The following PRPF40B variants were observed in gnomAD, a reference collection of about 807,000 sequenced individuals.
PRPF40B encodes pre-mRNA processing factor 40B.
Under a neutral mutation model 124.5 loss-of-function variants are expected in PRPF40B, and 56 were observed. The ratio of observed to expected loss-of-function variants is 0.45; its 90% CI spans 0.36 to 0.56. The LOEUF (loss-of-function observed/expected upper bound fraction) is 0.56, where lower values mean the gene tolerates loss of function less well. Ranked by LOEUF, PRPF40B falls within the 20% of genes least tolerant of loss-of-function variation. PRPF40B has a pLI of 0.00. For synonymous variants in PRPF40B, 443 were observed against 426.4 expected, an observed-to-expected ratio of 1.04 and a Z score of -0.48; for missense variants, 1,053 against 1,169.5, an observed-to-expected ratio of 0.90 and a Z score of 1.45.
Position 49,643,269 on chromosome 12 carries a change from C to A in PRPF40B, c.2252C>A (p.Pro751His). 6.2e-7 allele frequency: 1 copy of A among 1,614,050 alleles called. No homozygotes were observed. The highest frequency in any genetic ancestry group is 8.5e-7 in the Non-Finnish European group (1 of 1,180,014). The change falls in exon 23 of 26, where the codon CCC becomes CAC. Residue 751 changes from proline (P) to histidine (H), a missense_variant. By Grantham distance (77) the Pro-to-His change is moderately conservative. Transcript: ENST00000548825. Reference sequence around the variant, plus strand: ...GAGCTGCCCCCACCATCTCTCCGGCCCCCCAAGCGGAGGAGGCGGAACCCC... The same window carrying A: ...GAGCTGCCCCCACCATCTCTCCGGCACCCCAAGCGGAGGAGGCGGAACCCC... Reference protein sequence around the residue: ...EEELPPPSLRPPKRRRRNPSE... With the variant: ...EEELPPPSLRHPKRRRRNPSE...
chr12:49,635,418 G>A lies in PRPF40B; in HGVS notation c.1220G>A (p.Arg407Lys). Residue 407 changes from arginine (R) to lysine (K), a missense_variant, in exon 14 of 26, where the codon AGG becomes AAG. Coordinates refer to ENST00000548825, the MANE Select transcript of PRPF40B (RefSeq NM_001031698.3). The surrounding 1 kb of genome is among the most constrained non-coding windows in gnomAD (Gnocchi z 4.1). ...GAGGTCTGGGCTGTGGTCCCTGAGA[G>A]GGATCGAAAAGAGGTTTATGATGAT... The part of the protein sequence containing the change: ...ELEVWAVVPE[R>K]DRKEVYDDVL... 1.2e-6 allele frequency: 2 copies of A among 1,614,094 alleles called. No individual in the cohort carries two copies. The highest frequency in any genetic ancestry group is 2.2e-5 in the South Asian group (2 of 91,064).
chr12:49,631,741 A>G lies in PRPF40B; in HGVS notation c.229-119A>G. 1.6e-6 allele frequency: 2 copies of G among 1,246,978 alleles called. No individual in the cohort carries two copies. The highest frequency in any genetic ancestry group is 2.4e-5 in the South Asian group (2 of 82,520). 77.2% of individuals were successfully genotyped at this position (1,246,978 alleles called of 1,614,324 possible). ...GCCAGAATCTGGGGATTGCCTGAGG[A>G]AGTGCCCAAGTGAGGGTCATGGCTC... On this transcript the variant is annotated intron_variant, in intron 3 of 25. Coordinates refer to ENST00000548825, the MANE Select transcript of PRPF40B (RefSeq NM_001031698.3). The surrounding 1 kb of genome is among the most constrained non-coding windows in gnomAD (Gnocchi z 4.3).
At chr12:49,624,230 G>A in intron 1 of PRPF40B, 1 of 914,150 alleles carries the variant, frequency 1.1e-6, no homozygotes, top group Non-Finnish European at 1.3e-6. Flanking sequence ...AAAAGGAAAT[G>A]CATGAAAATT....
In PRPF40B at chr12:49,635,528, C is replaced by T. The variant is rs2138512995; in HGVS notation, c.1275+55C>T. ...CCATCTCATCCTGGACTTTCCTTGT[C>T]TTTGCTTTGTTATGGACCCTCGCCA... On this transcript the variant is annotated intron_variant, in intron 14 of 25. Coordinates refer to ENST00000548825, the MANE Select transcript of PRPF40B (RefSeq NM_001031698.3). The surrounding 1 kb of genome is among the most constrained non-coding windows in gnomAD (Gnocchi z 4.1). The T allele has an allele frequency of 1.3e-6, 2 of 1,523,244 alleles. No individual in the cohort carries two copies. Among genetic ancestry groups the T allele is most frequent in the Admixed American group, 1.9e-5 (1 of 52,346 alleles). 94.4% of individuals were successfully genotyped at this position (1,523,244 alleles called of 1,614,324 possible).
intron 18 of PRPF40B, chr12:49,638,187 G>A (rs1321886861): frequency 4.9e-6 from 1 of 202,706 alleles, no homozygotes; most frequent in African/African-American, 2.3e-5. Flanking sequence ...GGCATGCCAG[G>A]TCTGAGGAGG....
upstream of PRPF40B, among the ~76,000 whole-genome samples, chr12:49,623,050 T>C (rs907814995): frequency 2.0e-5 from 3 of 150,358 alleles, no homozygotes; most frequent in African/African-American, 7.4e-5. Flanking sequence ...TTCGGGGATT[T>C]GTCTTTTTTT....
intron 18 of PRPF40B, chr12:49,638,099 T>A (rs192458741): frequency 2.5e-6 from 1 of 404,766 alleles, no homozygotes; most frequent in East Asian, 4.7e-5. Flanking sequence ...ACATTTGAAC[T>A]GTGCATTTAG....
At position 49,635,139 on chromosome 12, in the gene PRPF40B, GC is replaced by G; in HGVS notation, c.1044del (p.Tyr349ThrfsTer15). The G allele has an allele frequency of 3.7e-6, 6 of 1,613,932 alleles. No individual in the cohort carries two copies. The highest frequency in any genetic ancestry group is 5.1e-6 in the Non-Finnish European group (6 of 1,180,010). ...KLSEKKQAFN[A>X]YKAQREKEEK... Reference sequence around the variant, plus strand: ...GAGTGAGAAAAAGCAGGCATTCAATGCCTACAAGGCGCAGCGGGAGAAGGAG... The same window carrying G: ...GAGTGAGAAAAAGCAGGCATTCAATGCTACAAGGCGCAGCGGGAGAAGGAG... On this transcript the variant is annotated frameshift_variant, in exon 13 of 26. Coordinates refer to ENST00000548825, the MANE Select transcript of PRPF40B (RefSeq NM_001031698.3). LOFTEE classifies it high-confidence loss of function. The surrounding 1 kb of genome is among the most constrained non-coding windows in gnomAD (Gnocchi z 4.1).
At position 49,637,476 on chromosome 12, in the gene PRPF40B, C is replaced by T; in HGVS notation, c.1567C>T (p.Leu523=). The T allele has an allele frequency of 6.2e-7, 1 of 1,613,142 alleles. No individual in the cohort carries two copies. Among genetic ancestry groups the T allele is most frequent in the Non-Finnish European group, 8.5e-7 (1 of 1,179,800 alleles). Residue 523 remains leucine (L), a synonymous_variant, in exon 17 of 26, where the codon CTG becomes TTG. Transcript: ENST00000548825. ...RKNREAFQTF[L]DELHETGQLH... ...CTGGCCTCTCCCTGCTCAGACCTTC[C>T]TGGACGAGCTGCATGAGACAGGGCA... is the stretch of plus-strand genomic sequence containing the variant.
At chr12:49,630,755 TG>T in intron 2 of PRPF40B, 130 bp downstream of exon 2, 2 of 611,852 alleles carry the variant, frequency 3.3e-6, no homozygotes, top group Non-Finnish European at 6.0e-6. Flanking sequence ...GGAAGAGGGA[TG>T]GTTTTACTTG....
At position 49,636,787 on chromosome 12, in the gene PRPF40B, G is replaced by A; in HGVS notation, c.1498G>A (p.Glu500Lys). The A allele has an allele frequency of 6.2e-7, 1 of 1,614,208 alleles. No homozygotes were observed. Among genetic ancestry groups the A allele is most frequent in the East Asian group, 2.2e-5 (1 of 44,884 alleles). The change falls in exon 16 of 26, where the codon GAA (glutamate) becomes AAA (lysine). Residue 500 changes from glutamate to lysine, a missense_variant. Coordinates refer to ENST00000548825, the MANE Select transcript of PRPF40B (RefSeq NM_001031698.3). ...IRALEREEEEERERARLRERR... is the reference protein window; with the variant it reads ...IRALEREEEEKRERARLRERR... ...AGCTTTGGAGAGGGAAGAGGAGGAG[G>A]AACGGGAGCGGGCCCGGCTTCGGGA...
In PRPF40B at chr12:49,636,718, A is replaced by G. The variant is rs753458912; in HGVS notation, c.1429A>G (p.Met477Val). The stretch of plus-strand genomic sequence containing the variant: ...CGGAACCTCCTGCCTGTCTTTAGAC[A>G]TGGACAAGGAAGATGCACTGATCTG... ...SFAQDHQLQNMDKEDALICFE... is the reference protein window; with the variant it reads ...SFAQDHQLQNVDKEDALICFE... Residue 477 changes from methionine to valine, a missense_variant and splice_region_variant, in exon 16 of 26, where the codon ATG becomes GTG. Met to Val is a conservative substitution (Grantham distance 21). This residue lies in a region of PRPF40B where 895 missense variants were observed against 1,052.2 expected (regional missense o/e 0.85). Transcript: ENST00000548825. 4.8e-5 allele frequency: 78 copies of G among 1,613,984 alleles called. No individual in the cohort carries two copies. The highest frequency in any genetic ancestry group is 6.3e-5 in the Non-Finnish European group (74 of 1,179,966).
chr12:49,629,035 GGGCCCTTTA>G (rs1332538923), intron 1 of PRPF40B, among the ~76,000 whole-genome samples: 2 of 152,192 alleles, frequency 1.3e-5, no homozygotes, highest in African/African-American at 4.8e-5. Context: ...CAGAAGGGCT[GGGCCCTTTA>G]GCTGCATCTC....
rs527379154 is a variant in PRPF40B, at chr12:49,631,288, A to G, written c.85-113A>G. Reference sequence around the variant, plus strand: ...AACTAAAGCCTTGGAATTGCCTCAGAGCAGGGTGGAGGGTTGGGGAGGGAG... The same window carrying G: ...AACTAAAGCCTTGGAATTGCCTCAGGGCAGGGTGGAGGGTTGGGGAGGGAG... On this transcript the variant is annotated intron_variant, in intron 2 of 25. Coordinates refer to ENST00000548825, the MANE Select transcript of PRPF40B (RefSeq NM_001031698.3). The surrounding 1 kb of genome is among the most constrained non-coding windows in gnomAD (Gnocchi z 4.3). 138 of 735,046 alleles carry G rather than the reference A, an allele frequency of 1.9e-4. No individual in the cohort carries two copies. The African/African-American group carries it at 2.3e-3, about 12-fold the overall frequency. 45.5% of individuals were successfully genotyped at this position (735,046 alleles called of 1,614,324 possible).
chr12:49,644,152 G>A lies in PRPF40B; in HGVS notation c.2639G>A (p.Arg880Gln), dbSNP rs367928140. The A allele has an allele frequency of 4.9e-5, 79 of 1,613,988 alleles. No homozygotes were observed. In the Middle Eastern group the frequency reaches 4.9e-4, roughly 10 times the overall value. The change falls in exon 26 of 26, where the codon CGG becomes CAG. Residue 880 changes from arginine to glutamine, a missense_variant. Physicochemically the swap from Arg to Gln is conservative, Grantham distance 43 (BLOSUM62 1). Around this residue, in one of 2 missense-constraint regions of PRPF40B, gnomAD observed 895 missense variants for 1,052.2 expected, o/e 0.85. Coordinates refer to ENST00000548825, the MANE Select transcript of PRPF40B (RefSeq NM_001031698.3). Reference protein sequence around the residue: ...SELSEGELERRRRTLLQQLDD... With the variant: ...SELSEGELERQRRTLLQQLDD... ...CTGAGTGAGGGTGAGCTGGAGAGGC[G>A]GCGGCGGACACTCCTACAGCAGCTG... is the stretch of plus-strand genomic sequence containing the variant.
At chr12:49,623,725 G>A (rs1940416854) in intron 1 of PRPF40B, 132 bp downstream of exon 1, 1 of 1,216,334 alleles carries the variant, frequency 8.2e-7, no homozygotes, top group South Asian at 4.2e-5. Context: ...GGGAGGCCAA[G>A]GGTGAGGGAA....
intron 1 of PRPF40B, among the ~76,000 whole-genome samples, chr12:49,626,397 C>T (rs1282228249): frequency 2.6e-5 from 4 of 152,200 alleles, no homozygotes; most frequent in African/African-American, 9.7e-5. Flanking sequence ...ACCCAGCAAA[C>T]ATTCACAGAG....
chr12:49,637,107 C>T, intron 16 of PRPF40B: 1 of 594,800 alleles, frequency 1.7e-6, no homozygotes, highest in Non-Finnish European at 2.9e-6. Context: ...CATGACTTGG[C>T]AGCTAGGCCA....
intron 22 of PRPF40B, 50 bp downstream of exon 22, chr12:49,643,066 G>A: frequency 6.2e-7 from 1 of 1,602,526 alleles, no homozygotes; most frequent in Non-Finnish European, 8.5e-7. Flanking sequence ...TTGTTTTGGG[G>A]AAATAAACAC....
Sources: allele counts gnomAD v4.1 joint callset (sites outside exome capture counted in the v4.1 genomes callset), GRCh38; gene constraint gnomAD v4.1.1; regional missense constraint gnomAD v4.1.1; non-coding constraint Gnocchi (gnomAD v3.1); transcripts MANE v1.5; gene names NCBI Gene and HGNC (gene_info 2026-07-23, HGNC 2026-07-21).